MFNG: variants seen among roughly 807,000 people sequenced by gnomAD.
MFNG encodes beta-1,3-N-acetylglucosaminyltransferase manic fringe.
In MFNG, 24 loss-of-function variants were observed where a neutral mutation model predicts 34.2. The ratio of observed to expected loss-of-function variants is 0.70; its 90% CI spans 0.51 to 0.99. The LOEUF is 0.99. Ranked by LOEUF, MFNG falls within the 50% of genes least tolerant of loss-of-function variation. The probability of loss-of-function intolerance (pLI) is 0.00; values close to 1 mark genes in which losing one functional copy is unlikely to be tolerated. For synonymous variants in MFNG, 158 were observed against 179.2 expected (o/e 0.88, Z 0.94); for missense variants, 383 against 424.0 (o/e 0.90, Z 0.85).
chr22:37,471,821 G>A (rs182017485), intron 7 of MFNG, among the ~76,000 whole-genome samples: 2,408 of 117,804 alleles, frequency 0.02, 77 homozygotes, highest in African/African-American at 0.079. Context: ...ACAGAGCGAG[G>A]CTCCATCTCA....
chr22:37,477,021 G>A, intron 4 of MFNG, 40 bp from the exon 5 acceptor site: 1 of 1,574,458 alleles, frequency 6.4e-7, no homozygotes, highest in Non-Finnish European at 8.7e-7. Flanking sequence ...TGAGCCTGGT[G>A]GCAGTTGTGG....
rs769438268 is a variant in MFNG at position 37,476,947 on chromosome 22, G to GC, written c.595dup (p.Ala199GlyfsTer33). 6.2e-7 allele frequency: 1 copy of GC among 1,613,546 alleles called. No homozygotes were observed. The highest frequency in any genetic ancestry group is 8.5e-7 in the Non-Finnish European group (1 of 1,179,738). On this transcript the variant is annotated frameshift_variant, in exon 5 of 8. Transcript: ENST00000356998. LOFTEE classifies it high-confidence loss of function. The stretch of plus-strand genomic sequence containing the variant: ...CAGTTTGCGATTGATGCAGAAGCCA[G>GC]CACCCCCAGTGGCAAACCAGAACTG...
Position 37,482,876 on chromosome 22 carries a change from A to T in MFNG, c.256-2107T>A, listed in dbSNP as rs1367985258. On this transcript the variant is annotated intron_variant, in intron 1 of 7. Coordinates refer to ENST00000356998, the MANE Select transcript of MFNG (RefSeq NM_002405.4). This position sits in a 1 kb window ranked among gnomAD's most constrained non-coding sequence, Gnocchi z 4.1. ...GAGGTCTCTGGATTTCCGCAGGGGG[A>T]AATGGTGGTGGTCCAAGCCTAGACC... is the stretch of plus-strand genomic sequence containing the variant. Among the ~76,000 whole-genome samples, 1 of 151,972 alleles carries T rather than the reference A, an allele frequency of 6.6e-6. No homozygotes were observed. Among genetic ancestry groups the T allele is most frequent in the Non-Finnish European group, 1.5e-5 (1 of 67,992 alleles).
chr22:37,480,881 A>G, intron 1 of MFNG, 112 bp from the exon 2 acceptor site: 1 of 882,066 alleles, frequency 1.1e-6, no homozygotes, highest in Non-Finnish European at 1.8e-6. Flanking sequence ...CTCCAGTGAC[A>G]GACACACCCC....
intron 3 of MFNG, 56 bp from the exon 4 acceptor site, chr22:37,479,554 C>G: frequency 2.5e-6 from 4 of 1,597,760 alleles, no homozygotes; most frequent in Non-Finnish European, 3.4e-6. Flanking sequence ...AGCCAGGGTC[C>G]CCAAGCACCC....
chr22:37,480,989 C>T, intron 1 of MFNG: 2 of 576,014 alleles, frequency 3.5e-6, no homozygotes, highest in Admixed American at 3.0e-5. Flanking sequence ...ACAGTCTAAA[C>T]ACATACACTC....
chr22:37,479,311 G>A, intron 4 of MFNG, 34 bp downstream of exon 4: 1 of 1,524,696 alleles, frequency 6.6e-7, no homozygotes, highest in Non-Finnish European at 8.8e-7. Flanking sequence ...GGGATCAGCG[G>A]GCCAAGGGGC....
At position 37,479,505 on chromosome 22, in the gene MFNG, G is replaced by C; in HGVS notation, c.408-7C>G. On this transcript the variant is annotated splice_region_variant and splice_polypyrimidine_tract_variant and intron_variant, in intron 3 of 7. Transcript: ENST00000356998. ...GTCCACATGGCAGAACCACCTGTAG[G>C]GATGAAACGGGGACAGTGAACTTGT... 6.2e-7 allele frequency: 1 copy of C among 1,609,218 alleles called. No individual in the cohort carries two copies. The highest frequency in any genetic ancestry group is 8.5e-7 in the Non-Finnish European group (1 of 1,177,944).
chr22:37,480,081 C>G (rs1922222675), intron 3 of MFNG, 116 bp downstream of exon 3: 2 of 743,004 alleles, frequency 2.7e-6, no homozygotes, highest in Non-Finnish European at 4.3e-6. Flanking sequence ...GACTTCCCAG[C>G]CATCTGCCCA....
intron 5 of MFNG, among the ~76,000 whole-genome samples, chr22:37,476,314 T>C (rs1444331117): frequency 6.6e-6 from 1 of 150,648 alleles, no homozygotes; most frequent in Non-Finnish European, 1.5e-5. Flanking sequence ...TTAGGAGTAA[T>C]ATCATCTCCC....
Position 37,486,214 on chromosome 22 carries a change from A to C in MFNG, c.-37T>G, listed in dbSNP as rs199935726. On this transcript the variant is annotated 5_prime_UTR_variant, in exon 1 of 8. In the 5' UTR this introduces an upstream ATG that the reference lacks. Coordinates refer to ENST00000356998, the MANE Select transcript of MFNG (RefSeq NM_002405.4). Reference sequence around the variant, plus strand: ...GGGACCCCAGACAGCTCAGCCCCCAAATCCCAACCAGACAGGGAGGGGAAG... The same window carrying C: ...GGGACCCCAGACAGCTCAGCCCCCACATCCCAACCAGACAGGGAGGGGAAG... The C allele has an allele frequency of 2.0e-5, 29 of 1,487,126 alleles. No individual in the cohort carries two copies. In the African/African-American group the frequency reaches 3.9e-4, roughly 20 times the overall value. The allele number at this position is 1,487,126 out of a possible 1,614,324, so 92.1% of individuals were successfully genotyped here.
chr22:37,479,594 G>A (rs1922199362), intron 3 of MFNG, 96 bp from the exon 4 acceptor site: 1 of 1,481,000 alleles, frequency 6.8e-7, no homozygotes, highest in Non-Finnish European at 9.2e-7. Flanking sequence ...ACGGAATGGG[G>A]GTAGGGGTGG....
rs1389547445 is a variant in MFNG, at chr22:37,469,880, C to T, written c.*83G>A. The T allele has an allele frequency of 8.7e-7, 1 of 1,154,644 alleles. No homozygotes were observed. The highest frequency in any genetic ancestry group is 1.3e-6 in the Non-Finnish European group (1 of 784,052). The allele number at this position is 1,154,644 out of a possible 1,614,324, so 71.5% of individuals were successfully genotyped here. On this transcript the variant is annotated 3_prime_UTR_variant, in exon 8 of 8. Transcript: ENST00000356998. ...GCCAGGGACTGCCTATCACAAGACACTTGCCAGGGACCCACAGTGCCACCT... is the reference window on the plus strand; with the variant it reads ...GCCAGGGACTGCCTATCACAAGACATTTGCCAGGGACCCACAGTGCCACCT...
At chr22:37,484,379 G>C (rs952902744) in intron 1 of MFNG, 1 of 152,550 alleles carries the variant, frequency 6.6e-6, no homozygotes, top group African/African-American at 2.4e-5. Context: ...AGGTCACAGA[G>C]AGAAGTGAGC....
In MFNG at chr22:37,469,145, C is replaced by T. The variant is rs1280812043; in HGVS notation, c.*818G>A. On this transcript the variant is annotated 3_prime_UTR_variant, in exon 8 of 8. Coordinates refer to ENST00000356998, the MANE Select transcript of MFNG (RefSeq NM_002405.4). ...GCTGTGGATGATTGTCTTGGCCTTT[C>T]CTTCATGGTAGCAAGGTGGCTGCCC... The T allele has an allele frequency of 3.3e-5, 5 of 153,016 alleles. No homozygotes were observed. The highest frequency in any genetic ancestry group is 1.2e-4 in the African/African-American group (5 of 41,458). 9.5% of individuals were successfully genotyped at this position (153,016 alleles called of 1,614,324 possible).
At position 37,485,010 on chromosome 22, in the gene MFNG, A is replaced by C. The variant is rs1601801954; in HGVS notation, c.255+913T>G. On this transcript the variant is annotated intron_variant, in intron 1 of 7. Coordinates refer to ENST00000356998, the MANE Select transcript of MFNG (RefSeq NM_002405.4). This position sits in a 1 kb window ranked among gnomAD's most constrained non-coding sequence, Gnocchi z 5.3. ...GTGTGTGTGTGTGTACCCATTCTCC[A>C]CCTCCCCCATCAACGGTCCCTAACA... Among the ~76,000 whole-genome samples the C allele has an allele frequency of 1.4e-5, 2 of 147,846 alleles. No individual in the cohort carries two copies. The highest frequency in any genetic ancestry group is 5.0e-5 in the African/African-American group (2 of 39,612).
Position 37,476,842 on chromosome 22 carries a change from C to A in MFNG, c.647+54G>T, listed in dbSNP as rs1922062686. 6.9e-6 allele frequency: 10 copies of A among 1,440,170 alleles called. No homozygotes were observed. In the South Asian group the frequency reaches 1.0e-4, roughly 15 times the overall value. The allele number at this position is 1,440,170 out of a possible 1,614,324, so 89.2% of individuals were successfully genotyped here. On this transcript the variant is annotated intron_variant, in intron 5 of 7. Transcript: ENST00000356998. ...TCCTGCTGCAAAGGCCCCTCCTGTA[C>A]CCCAGCTGCCACCCCCTCCCCGCCT...
At chr22:37,475,422 C>T (rs1034197750) in intron 5 of MFNG, among the ~76,000 whole-genome samples, 2 of 152,154 alleles carry the variant, frequency 1.3e-5, no homozygotes, top group African/African-American at 4.8e-5. Context: ...CAGAGTTTCA[C>T]CACGTTGGCC....
intron 1 of MFNG, chr22:37,481,082 C>T (rs1390419601): frequency 4.8e-6 from 2 of 414,998 alleles, no homozygotes; most frequent in Admixed American, 4.0e-5. Flanking sequence ...ATCACACACA[C>T]ACACAATCAC....
Sources: gnomAD v4.1 joint callset for allele counts (sites outside exome capture counted in the v4.1 genomes callset) on GRCh38, gnomAD v4.1.1 for gene constraint, Gnocchi (gnomAD v3.1) non-coding constraint, MANE v1.5 for transcripts, NCBI Gene and HGNC (gene_info 2026-07-23, HGNC 2026-07-21) for gene names.